NDUFA13: variants seen among roughly 807,000 people sequenced by gnomAD.
NDUFA13 encodes the protein NADH dehydrogenase [ubiquinone] 1 alpha subcomplex subunit 13.
In NDUFA13, 16 loss-of-function variants were observed where a neutral mutation model predicts 17.0. That is an observed-to-expected ratio of 0.94 (90% CI 0.64 to 1.43). The LOEUF is 1.43. NDUFA13 is among the 40% of genes most tolerant of loss of function. The pLI, the probability that NDUFA13 is intolerant of heterozygous loss-of-function variation, is 0.00. For missense variants in NDUFA13, 228 were observed against 206.7 expected (o/e 1.10, Z -0.63); for synonymous variants, 87 against 78.4 (o/e 1.11, Z -0.58).
intron 2 of NDUFA13, 119 bp from the exon 3 acceptor site, chr19:19,527,162 G>GCCACCCCCCCCC: frequency 1.2e-6 from 1 of 837,466 alleles, no homozygotes; most frequent in Non-Finnish European, 1.8e-6. Context: ...CCCCCTGCCT[G>GCCACCCCCCCCC]CCTCCCCGCC....
chr19:19,521,083 C>T (rs1600345645), intron 1 of NDUFA13, among the ~76,000 whole-genome samples: 1 of 152,174 alleles, frequency 6.6e-6, no homozygotes, highest in African/African-American at 2.4e-5. Context: ...ATGGTAACTT[C>T]GTGTTTAACA....
chr19:19,526,975 C>T (rs149048608), intron 2 of NDUFA13, among the ~76,000 whole-genome samples: 1 of 152,338 alleles, frequency 6.6e-6, no homozygotes, highest in Non-Finnish European at 1.5e-5. Flanking sequence ...ACCCCCTCTT[C>T]GTCGCGATCA....
intron 3 of NDUFA13, 135 bp downstream of exon 3, chr19:19,527,487 C>T (rs2061107679): frequency 4.2e-6 from 5 of 1,178,176 alleles, no homozygotes; most frequent in Non-Finnish European, 5.0e-6. Context: ...CATCCTCAGG[C>T]GTGGAGACTT....
intron 2 of NDUFA13, chr19:19,526,601 C>T (rs1439538005): frequency 2.6e-6 from 1 of 381,766 alleles, no homozygotes; most frequent in Non-Finnish European, 5.1e-6. Flanking sequence ...CCCGTGGATC[C>T]AGATTAGGAC....
chr19:19,527,182 C>G, intron 2 of NDUFA13, 99 bp from the exon 3 acceptor site: 1 of 1,327,714 alleles, frequency 7.5e-7, no homozygotes, highest in Non-Finnish European at 1.1e-6. Flanking sequence ...CCCCCTCCGC[C>G]TCTTCCCCCA....
At chr19:19,524,288 C>T (rs1260504206) in intron 1 of NDUFA13, among the ~76,000 whole-genome samples, 1 of 152,256 alleles carries the variant, frequency 6.6e-6, no homozygotes, top group African/African-American at 2.4e-5. Context: ...ACAAGAGGCC[C>T]TGCATTGTTT....
chr19:19,517,160 C>T (rs547536677), intron 1 of NDUFA13, among the ~76,000 whole-genome samples: 1 of 152,212 alleles, frequency 6.6e-6, no homozygotes, highest in Admixed American at 6.5e-5. Flanking sequence ...AAAAAGAGAA[C>T]TTAAAAGGCG....
chr19:19,525,304 C>G (rs545390802), intron 1 of NDUFA13, among the ~76,000 whole-genome samples: 5 of 152,242 alleles, frequency 3.3e-5, no homozygotes, highest in Non-Finnish European at 5.9e-5. Flanking sequence ...GAGGTGCCCC[C>G]GTGAGCTCCA....
chr19:19,516,351 C>G lies in NDUFA13; in HGVS notation c.94+19C>G. ...CTGTCGGGTCAGTATCACTCTGCGC[C>G]GGGGTCTCAGAGTCTGGGCACTCGG... On this transcript the variant is annotated intron_variant, in intron 1 of 4. Coordinates refer to ENST00000507754, the MANE Select transcript of NDUFA13 (RefSeq NM_015965.7). 1 of 1,611,984 alleles carries G rather than the reference C, an allele frequency of 6.2e-7. No homozygotes were observed. Among genetic ancestry groups the G allele is most frequent in the Non-Finnish European group, 8.5e-7 (1 of 1,179,362 alleles).
Position 19,516,533 on chromosome 19 carries a change from C to A in NDUFA13, c.94+201C>A, listed in dbSNP as rs372045158. 2.4e-3 allele frequency among the ~76,000 whole-genome samples: 372 copies of A among 152,356 alleles called. 1 individual carries two copies. The highest frequency in any genetic ancestry group is 8.7e-3 in the African/African-American group (360 of 41,580). On this transcript the variant is annotated intron_variant, in intron 1 of 4. Transcript: ENST00000507754. Reference sequence around the variant, plus strand: ...CAGCTCCTCTTCCTTCTCGTAACAGCCCAGGAAATCGGTCCCTCTAGTTAT... The same window carrying A: ...CAGCTCCTCTTCCTTCTCGTAACAGACCAGGAAATCGGTCCCTCTAGTTAT...
In NDUFA13 at chr19:19,516,274, G is replaced by T. The variant is rs11552886; in HGVS notation, c.36G>T (p.Pro12=). Residue 12 remains proline, a synonymous_variant, in exon 1 of 5, where the codon CCG becomes CCT. Coordinates refer to ENST00000507754, the MANE Select transcript of NDUFA13 (RefSeq NM_015965.7). ...CAAAGGTGAAGCAGGACATGCCTCC[G>T]CCGGGGGGCTATGGGCCCATCGACT... ...AASKVKQDMP[P]PGGYGPIDYK... is the part of the protein sequence containing the mutation. The T allele has an allele frequency of 1.9e-6, 3 of 1,613,802 alleles. No homozygotes were observed. The highest frequency in any genetic ancestry group is 2.5e-6 in the Non-Finnish European group (3 of 1,180,042).
intron 3 of NDUFA13, 101 bp downstream of exon 3, chr19:19,527,453 GCCATCGCCCTGT>G: frequency 7.1e-7 from 1 of 1,404,694 alleles, no homozygotes; most frequent in Non-Finnish European, 1.0e-6. Context: ...GCACGTGGGG[GCCATCGCCCTGT>G]GCCGTCAGCT....
At chr19:19,523,997 T>C (rs1474562716) in intron 1 of NDUFA13, among the ~76,000 whole-genome samples, 7 of 152,206 alleles carry the variant, frequency 4.6e-5, no homozygotes, top group Non-Finnish European at 2.9e-5. Flanking sequence ...TGCAAACTCC[T>C]AGTCAAGTGA....
At chr19:19,519,407 C>A (rs946397133) in intron 1 of NDUFA13, among the ~76,000 whole-genome samples, 2 of 152,170 alleles carry the variant, frequency 1.3e-5, no homozygotes, top group Non-Finnish European at 2.9e-5. Flanking sequence ...AGTGGCCCCC[C>A]CTGTGCCAGA....
intron 1 of NDUFA13, among the ~76,000 whole-genome samples, chr19:19,523,038 A>G (rs1484015924): frequency 1.3e-5 from 2 of 152,244 alleles, no homozygotes; most frequent in Non-Finnish European, 2.9e-5. Context: ...CTGTGGGATA[A>G]GTTTTGAAAT....
chr19:19,524,261 G>T (rs2061090917), intron 1 of NDUFA13, among the ~76,000 whole-genome samples: 1 of 152,266 alleles, frequency 6.6e-6, no homozygotes, highest in Non-Finnish European at 1.5e-5. Flanking sequence ...AGAGCCCTGT[G>T]CAGGCTGCAT....
chr19:19,527,919 G>T (rs527542347), intron 4 of NDUFA13, 88 bp from the exon 5 acceptor site: 4 of 1,536,576 alleles, frequency 2.6e-6, no homozygotes, highest in African/African-American at 2.7e-5. Context: ...CGCCTGCCAC[G>T]CACAGGGGCC....
intron 1 of NDUFA13, among the ~76,000 whole-genome samples, chr19:19,525,746 G>A (rs369144397): frequency 8.6e-5 from 13 of 150,608 alleles, no homozygotes; most frequent in African/African-American, 3.2e-4. Context: ...GAGGTAGCAC[G>A]GCCACCCCTA....
rs911038743 is a variant in NDUFA13 at position 19,527,834 on chromosome 19, G to C, written c.315+64G>C. 2.6e-6 allele frequency: 4 copies of C among 1,514,206 alleles called. No homozygotes were observed. The Admixed American group carries it at 5.9e-5, about 22-fold the overall frequency. The allele number at this position is 1,514,206 out of a possible 1,614,324, so 93.8% of individuals were successfully genotyped here. A position where few individuals can be genotyped will look rare whatever the true frequency, so the allele number is the denominator to read the frequency against. ...CAGAGACAGGGCCTGGGGTTGGGGA[G>C]CTCCCACAGCTTTCTATAGAAACCC... On this transcript the variant is annotated intron_variant, in intron 4 of 4. Coordinates refer to ENST00000507754, the MANE Select transcript of NDUFA13 (RefSeq NM_015965.7).
Sources: gnomAD v4.1 joint callset for allele counts (sites outside exome capture counted in the v4.1 genomes callset) on GRCh38, gnomAD v4.1.1 for gene constraint, MANE v1.5 for transcripts, NCBI Gene and HGNC (gene_info 2026-07-23, HGNC 2026-07-21) for gene names.